TRPC6: variants seen among roughly 807,000 people sequenced by gnomAD.
TRPC6 encodes the protein transient receptor potential cation channel subfamily C member 6, also known as short transient receptor potential channel 6.
TRPC6 carries 55 observed loss-of-function variants against 90.7 expected under a neutral mutation model. That is an observed-to-expected ratio of 0.61 (90% CI 0.49 to 0.76). The LOEUF (loss-of-function observed/expected upper bound fraction) is 0.76. Ranked by LOEUF, TRPC6 falls within the 30% of genes least tolerant of loss-of-function variation. The pLI, the probability that TRPC6 is intolerant of heterozygous loss-of-function variation, is 0.00. For synonymous variants in TRPC6, 393 were observed against 393.0 expected, an observed-to-expected ratio of 1.00 and a Z score of 0.00; for missense variants, 989 against 1,122.7, an observed-to-expected ratio of 0.88 and a Z score of 1.70.
chr11:101,457,719 C>T (rs1325606850), intron 10 of TRPC6, among the ~76,000 whole-genome samples: 1 of 152,168 alleles, frequency 6.6e-6, no homozygotes, highest in Non-Finnish European at 1.5e-5. Flanking sequence ...AATCATTTCA[C>T]CTCTATATCC....
intron 1 of TRPC6, among the ~76,000 whole-genome samples, chr11:101,523,014 A>G (rs1191704110): frequency 1.3e-5 from 2 of 152,230 alleles, no homozygotes; most frequent in Non-Finnish European, 2.9e-5. Context: ...GGACTAATTT[A>G]TGCCTATACA....
intron 5 of TRPC6, among the ~76,000 whole-genome samples, chr11:101,478,687 G>A (rs1565209824): frequency 6.6e-6 from 1 of 152,130 alleles, no homozygotes; most frequent in Non-Finnish European, 1.5e-5. Flanking sequence ...GCCCCAGGCA[G>A]GAGACTTCAC....
At chr11:101,576,363 G>C (rs1281177273) in intron 1 of TRPC6, among the ~76,000 whole-genome samples, 1 of 152,168 alleles carries the variant, frequency 6.6e-6, no homozygotes, top group Non-Finnish European at 1.5e-5. Context: ...TCTCCTCTTT[G>C]TCATGGCTGA....
At chr11:101,496,373 A>C (rs1859950258) in intron 2 of TRPC6, among the ~76,000 whole-genome samples, 1 of 152,158 alleles carries the variant, frequency 6.6e-6, no homozygotes, top group Non-Finnish European at 1.5e-5. Flanking sequence ...TCCTCAGGAT[A>C]ATTGTCACCA....
intron 1 of TRPC6, among the ~76,000 whole-genome samples, chr11:101,508,374 G>A (rs1481390233): frequency 6.6e-6 from 1 of 152,038 alleles, no homozygotes; most frequent in Non-Finnish European, 1.5e-5. Flanking sequence ...GTTGGTTTTG[G>A]CAAAAGGTGA....
intron 1 of TRPC6, among the ~76,000 whole-genome samples, chr11:101,536,797 A>G (rs898276878): frequency 1.3e-5 from 2 of 152,030 alleles, no homozygotes; most frequent in African/African-American, 2.4e-5. Context: ...TGAGTTTAAA[A>G]CCTGGAGTGA....
chr11:101,547,080 G>A (rs1327231797), intron 1 of TRPC6, among the ~76,000 whole-genome samples: 1 of 152,096 alleles, frequency 6.6e-6, no homozygotes, highest in Non-Finnish European at 1.5e-5. Context: ...GTCAGAAAGA[G>A]GTCCATGGGA....
At chr11:101,519,892 C>T (rs1243764134) in intron 1 of TRPC6, 1 of 153,066 alleles carries the variant, frequency 6.5e-6, no homozygotes, top group Non-Finnish European at 1.5e-5. Context: ...AACTCTCTGA[C>T]TCCCTCACTC....
chr11:101,552,706 T>G (rs1861475702), intron 1 of TRPC6, among the ~76,000 whole-genome samples: 1 of 152,134 alleles, frequency 6.6e-6, no homozygotes, highest in African/African-American at 2.4e-5. Context: ...AGATGATAAA[T>G]GTCTCAAACT....
In TRPC6 at chr11:101,491,711, A is replaced by T; in HGVS notation, c.973T>A (p.Cys325Ser). ...AGGAGTCCAACAACAAAGTCTTTGCACTGCATTGACAGTTTTTTGTAGTCA... is the reference window on the plus strand; with the variant it reads ...AGGAGTCCAACAACAAAGTCTTTGCTCTGCATTGACAGTTTTTTGTAGTCA... ...KNDYKKLSMQCKDFVVGLLDL... is the reference protein window; with the variant it reads ...KNDYKKLSMQSKDFVVGLLDL... Residue 325 changes from cysteine to serine, a missense_variant, in exon 3 of 13, where the codon TGC becomes AGC. Physicochemically the swap from Cys to Ser is moderately radical, Grantham distance 112. Transcript: ENST00000344327. The T allele has an allele frequency of 6.2e-7, 1 of 1,613,978 alleles. No homozygotes were observed. Among genetic ancestry groups the T allele is most frequent in the Non-Finnish European group, 8.5e-7 (1 of 1,179,976 alleles).
At chr11:101,553,174 T>C (rs1033871678) in intron 1 of TRPC6, among the ~76,000 whole-genome samples, 10 of 152,116 alleles carry the variant, frequency 6.6e-5, no homozygotes, top group Non-Finnish European at 1.3e-4. Context: ...ATCGTGAACC[T>C]GAGCCAGCTC....
intron 1 of TRPC6, among the ~76,000 whole-genome samples, chr11:101,521,520 G>A (rs920296775): frequency 1.3e-5 from 2 of 152,256 alleles, no homozygotes; most frequent in African/African-American, 4.8e-5. Flanking sequence ...ACAGTGCTAA[G>A]GGGAAATGTG....
chr11:101,548,395 T>C (rs1487802477), intron 1 of TRPC6, among the ~76,000 whole-genome samples: 1 of 143,358 alleles, frequency 7.0e-6, no homozygotes, highest in Non-Finnish European at 1.5e-5. Flanking sequence ...ATATTATGTA[T>C]AATATATAAT....
intron 1 of TRPC6, among the ~76,000 whole-genome samples, chr11:101,543,538 T>C (rs12806857): frequency 0.1 from 15,210 of 152,048 alleles, 883 homozygotes; most frequent in Middle Eastern, 0.14. Flanking sequence ...AACAGATATA[T>C]AGACCAATGG....
At position 101,483,005 on chromosome 11, in the gene TRPC6, C is replaced by T; in HGVS notation, c.1454G>A (p.Arg485Lys). The change falls in exon 5 of 13, where the codon AGG becomes AAG. Residue 485 changes from arginine to lysine, a missense_variant. Arg to Lys is a conservative substitution (Grantham distance 26, BLOSUM62 2). Around this residue, in one of 4 missense-constraint regions of TRPC6, gnomAD observed 486 missense variants for 591.9 expected, o/e 0.82. Coordinates refer to ENST00000344327, the MANE Select transcript of TRPC6 (RefSeq NM_004621.6). ...TSTDNAKQLF[R>K]MKTSCFSWME... ...CCATGAGAAGCAGGATGTTTTCATCCTGAACAGCTGTTTTGCATTATCTGT... is the reference window on the plus strand; with the variant it reads ...CCATGAGAAGCAGGATGTTTTCATCTTGAACAGCTGTTTTGCATTATCTGT... The T allele has an allele frequency of 6.2e-7, 1 of 1,613,986 alleles. No individual in the cohort carries two copies. The highest frequency in any genetic ancestry group is 8.5e-7 in the Non-Finnish European group (1 of 1,179,924).
intron 1 of TRPC6, among the ~76,000 whole-genome samples, chr11:101,569,845 G>A (rs1861918467): frequency 6.6e-6 from 1 of 152,112 alleles, no homozygotes; most frequent in African/African-American, 2.4e-5. Context: ...CAATGTACCA[G>A]AATCTCTGGG....
intron 1 of TRPC6, among the ~76,000 whole-genome samples, chr11:101,520,069 T>C (rs1860619992): frequency 6.6e-6 from 1 of 152,018 alleles, no homozygotes; most frequent in Admixed American, 6.6e-5. Context: ...GTCACTGATA[T>C]GGTTTGGATT....
chr11:101,581,499 G>GA (rs1862195890), intron 1 of TRPC6, among the ~76,000 whole-genome samples: 1 of 151,960 alleles, frequency 6.6e-6, no homozygotes, highest in Non-Finnish European at 1.5e-5. Context: ...ATTACAGAAT[G>GA]AAAAAAGGTT....
At chr11:101,511,860 G>A (rs896850416) in intron 1 of TRPC6, among the ~76,000 whole-genome samples, 59 of 152,196 alleles carry the variant, frequency 3.9e-4, no homozygotes, top group Middle Eastern at 3.4e-3. Flanking sequence ...AGGCATGGTG[G>A]TGGGGGCCTG....
Sources: gnomAD v4.1 joint callset for allele counts (sites outside exome capture counted in the v4.1 genomes callset) on GRCh38, gnomAD v4.1.1 for gene constraint, gnomAD v4.1.1 regional missense constraint, MANE v1.5 for transcripts, NCBI Gene and HGNC (gene_info 2026-07-23, HGNC 2026-07-21) for gene names.